Variants in ADAMTS17 observed in about 807,000 individuals in gnomAD.
ADAMTS17 encodes ADAM metallopeptidase with thrombospondin type 1 motif 17.
Under a neutral mutation model 141.5 loss-of-function variants are expected in ADAMTS17, and 113 were observed. The ratio of observed to expected loss-of-function variants is 0.80; its 90% CI spans 0.69 to 0.93. The LOEUF (loss-of-function observed/expected upper bound fraction) is 0.93, where lower values mean the gene tolerates loss of function less well. ADAMTS17 is among the 40% of genes least tolerant of loss of function. ADAMTS17 has a pLI of 0.00. For missense variants in ADAMTS17, 1,659 were observed against 1,517.9 expected (o/e 1.09, Z -1.54); for synonymous variants, 768 against 630.6 (o/e 1.22, Z -3.27).
intron 10 of ADAMTS17, 90 bp downstream of exon 10, chr15:100,152,522 A>G: frequency 6.4e-7 from 1 of 1,564,310 alleles, no homozygotes; most frequent in African/African-American, 1.3e-5. Context: ...GCTGAGTGTG[A>G]ATGCCCATGT....
At chr15:100,089,557 C>A (rs947862934) in intron 15 of ADAMTS17, among the ~76,000 whole-genome samples, 9 of 151,534 alleles carry the variant, frequency 5.9e-5, no homozygotes, top group African/African-American at 1.7e-4. Flanking sequence ...GCACTATTCA[C>A]AATAGCAAAG....
intron 10 of ADAMTS17, among the ~76,000 whole-genome samples, chr15:100,150,771 C>T (rs1462294514): frequency 2.0e-5 from 3 of 152,202 alleles, no homozygotes; most frequent in African/African-American, 7.2e-5. Context: ...AGAGTGACCA[C>T]TCTGTCCCTT....
chr15:100,170,035 C>G lies in ADAMTS17; in HGVS notation c.1182-14715G>C, dbSNP rs1296806919. ...GTCCGAGACATTACCTGTGCCTACCCTCTGACTTTCCCACATACACCCGAG... is the reference window on the plus strand; with the variant it reads ...GTCCGAGACATTACCTGTGCCTACCGTCTGACTTTCCCACATACACCCGAG... On this transcript the variant is annotated intron_variant, in intron 8 of 21. Transcript: ENST00000268070. Among the ~76,000 whole-genome samples, 3 of 152,038 alleles carry G rather than the reference C, an allele frequency of 2.0e-5. No individual in the cohort carries two copies. The East Asian group carries it at 5.8e-4, about 29-fold the overall frequency.
intron 4 of ADAMTS17, among the ~76,000 whole-genome samples, chr15:100,280,769 A>G (rs1472600280): frequency 6.6e-6 from 1 of 152,186 alleles, no homozygotes; most frequent in East Asian, 1.9e-4. Flanking sequence ...AATCGGACAT[A>G]GACAGACGTG....
chr15:100,330,249 G>T (rs999731786), intron 3 of ADAMTS17, among the ~76,000 whole-genome samples: 1 of 152,168 alleles, frequency 6.6e-6, no homozygotes, highest in Admixed American at 6.5e-5. Context: ...GACTAAAACA[G>T]ATCAGGATGT....
intron 7 of ADAMTS17, among the ~76,000 whole-genome samples, chr15:100,224,356 A>G (rs79831300): frequency 1.7e-3 from 263 of 152,262 alleles, no homozygotes; most frequent in East Asian, 0.015. Flanking sequence ...GAGAGGGAAC[A>G]GGATGGGGAG....
chr15:100,314,589 A>T (rs2045503375), intron 3 of ADAMTS17, among the ~76,000 whole-genome samples: 1 of 152,260 alleles, frequency 6.6e-6, no homozygotes, highest in Admixed American at 6.5e-5. Context: ...ACTACAGTAT[A>T]CCAAAATAAG....
chr15:100,194,556 C>G (rs1414969624), intron 8 of ADAMTS17, among the ~76,000 whole-genome samples: 2 of 152,184 alleles, frequency 1.3e-5, no homozygotes, highest in African/African-American at 4.8e-5. Flanking sequence ...TTTGCTTTTT[C>G]TCACGGGCAG....
chr15:100,241,514 C>T (rs1419545018), intron 7 of ADAMTS17, among the ~76,000 whole-genome samples: 2 of 152,226 alleles, frequency 1.3e-5, no homozygotes, highest in Non-Finnish European at 2.9e-5. Flanking sequence ...ACACACTTTA[C>T]TTCTCACTCA....
At chr15:100,078,868 C>A (rs56745742) in intron 15 of ADAMTS17, among the ~76,000 whole-genome samples, 2,090 of 152,198 alleles carry the variant, frequency 0.014, 47 homozygotes, top group African/African-American at 0.047. Flanking sequence ...TGCAGCTCGA[C>A]AAGAAAATGA....
At chr15:100,167,210 C>T (rs74037536) in intron 8 of ADAMTS17, among the ~76,000 whole-genome samples, 2,840 of 152,262 alleles carry the variant, frequency 0.019, 127 homozygotes, top group East Asian at 0.17. Context: ...CTGGATATCA[C>T]CTCATTGGAT....
At position 99,993,584 on chromosome 15, in the gene ADAMTS17, G is replaced by A. The variant is rs940526715; in HGVS notation, c.2797-384C>T. On this transcript the variant is annotated intron_variant, in intron 19 of 21. Coordinates refer to ENST00000268070, the MANE Select transcript of ADAMTS17 (RefSeq NM_139057.4). This position sits in a 1 kb window ranked among gnomAD's most constrained non-coding sequence, Gnocchi z 4.3. ...GGGAACAGGGGCCAGCCGGAGCAAG[G>A]TGAGGCCCTAAAGCTGAGTCCCAGG... Among the ~76,000 whole-genome samples the A allele has an allele frequency of 3.9e-5, 6 of 152,214 alleles. No homozygotes were observed. The highest frequency in any genetic ancestry group is 9.7e-5 in the African/African-American group (4 of 41,450).
chr15:100,196,547 C>T (rs182566541), intron 8 of ADAMTS17, among the ~76,000 whole-genome samples: 1 of 152,272 alleles, frequency 6.6e-6, no homozygotes, highest in Non-Finnish European at 1.5e-5. Flanking sequence ...CAAAGGCACA[C>T]ACGCACATAC....
At chr15:100,205,591 A>T (rs2041512055) in intron 7 of ADAMTS17, among the ~76,000 whole-genome samples, 1 of 152,150 alleles carries the variant, frequency 6.6e-6, no homozygotes. Flanking sequence ...AGAGAGGCTC[A>T]GGGGCTTCTG....
At chr15:100,243,839 A>G (rs79692647) in intron 7 of ADAMTS17, among the ~76,000 whole-genome samples, 9 of 149,168 alleles carry the variant, frequency 6.0e-5, no homozygotes, top group African/African-American at 2.2e-4. Flanking sequence ...GAAACAAAAC[A>G]AAATGAAAGT....
chr15:100,061,398 T>C (rs1417754470), intron 15 of ADAMTS17, among the ~76,000 whole-genome samples: 1 of 152,200 alleles, frequency 6.6e-6, no homozygotes, highest in Non-Finnish European at 1.5e-5. Flanking sequence ...ACAGCCGAGC[T>C]CCGTGACTGG....
At chr15:100,014,175 G>T (rs929492622) in intron 18 of ADAMTS17, among the ~76,000 whole-genome samples, 2 of 152,110 alleles carry the variant, frequency 1.3e-5, no homozygotes, top group Non-Finnish European at 2.9e-5. Flanking sequence ...TGTACATAAA[G>T]ATGTTCACAG....
At chr15:100,187,558 C>T (rs1253828245) in intron 8 of ADAMTS17, among the ~76,000 whole-genome samples, 1 of 152,170 alleles carries the variant, frequency 6.6e-6, no homozygotes, top group Non-Finnish European at 1.5e-5. Flanking sequence ...TACTCTGAAC[C>T]CCCAGATTCC....
At chr15:100,149,731 C>G (rs1450692477) in intron 10 of ADAMTS17, among the ~76,000 whole-genome samples, 2 of 152,238 alleles carry the variant, frequency 1.3e-5, no homozygotes, top group East Asian at 1.9e-4. Context: ...ACCCCTTCCT[C>G]TCCCTTGTTC....
Sources: allele counts gnomAD v4.1 joint callset (sites outside exome capture counted in the v4.1 genomes callset), GRCh38; gene constraint gnomAD v4.1.1; non-coding constraint Gnocchi (gnomAD v3.1); transcripts MANE v1.5; gene names NCBI Gene and HGNC (gene_info 2026-07-23, HGNC 2026-07-21).